LTBP1: variants seen among roughly 807,000 people sequenced by gnomAD.
LTBP1 encodes the protein latent-transforming growth factor beta-binding protein 1.
Under a neutral mutation model 207.6 loss-of-function variants are expected in LTBP1, and 129 were observed. That is an observed-to-expected ratio of 0.62 (90% CI 0.54 to 0.72). The LOEUF is 0.72. Ranked by LOEUF, LTBP1 falls within the 30% of genes least tolerant of loss-of-function variation. The pLI is 0.00. For missense variants in LTBP1, 2,281 were observed against 2,217.2 expected (o/e 1.03, Z -0.58); for synonymous variants, 963 against 833.7 (o/e 1.16, Z -2.67).
intron 3 of LTBP1, among the ~76,000 whole-genome samples, chr2:33,109,498 A>G (rs1476900621): frequency 6.6e-6 from 1 of 152,252 alleles, no homozygotes; most frequent in African/African-American, 2.4e-5. Context: ...CTCAGGGAAT[A>G]ACTGAATCTG....
chr2:33,128,135 A>G (rs903527827), intron 4 of LTBP1, among the ~76,000 whole-genome samples: 2 of 152,194 alleles, frequency 1.3e-5, no homozygotes, highest in African/African-American at 2.4e-5. Flanking sequence ...TTGGTAAACA[A>G]ATAGCCCAGT....
intron 31 of LTBP1, 123 bp downstream of exon 31, chr2:33,365,626 C>CGTGT (rs144867482): frequency 0.11 from 76,643 of 708,006 alleles, 2,872 homozygotes; most frequent in African/African-American, 0.26. Context: ...ACTTTCATCC[C>CGTGT]GTGTGTGTGT....
Position 33,106,434 on chromosome 2 carries a change from A to G in LTBP1, c.864-4148A>G, listed in dbSNP as rs563915767. On this transcript the variant is annotated intron_variant, in intron 3 of 33. Transcript: ENST00000404816. ...TCTATGGCAGCTGGAGCCTTAAGCAATGCATTTCTTAGATAGGAAGACTTG... is the reference window on the plus strand; with the variant it reads ...TCTATGGCAGCTGGAGCCTTAAGCAGTGCATTTCTTAGATAGGAAGACTTG... Among the ~76,000 whole-genome samples, 66 of 152,324 alleles carry G rather than the reference A, an allele frequency of 4.3e-4. 1 individual carries two copies. Among genetic ancestry groups the G allele is most frequent in the African/African-American group, 1.4e-3 (60 of 41,584 alleles).
chr2:33,348,784 A>T (rs1300072343), intron 26 of LTBP1, among the ~76,000 whole-genome samples: 2 of 152,254 alleles, frequency 1.3e-5, no homozygotes, highest in Non-Finnish European at 2.9e-5. Context: ...AGGATATTCC[A>T]ATGATCACAC....
intron 22 of LTBP1, among the ~76,000 whole-genome samples, chr2:33,308,364 TTTTAAAA>T (rs1468277432): frequency 6.6e-6 from 1 of 152,208 alleles, no homozygotes; most frequent in African/African-American, 2.4e-5. Context: ...TTTAAACATT[TTTTAAAA>T]TCCAGGCTAC....
chr2:33,092,254 C>G (rs1402913722), intron 3 of LTBP1, among the ~76,000 whole-genome samples: 1 of 152,246 alleles, frequency 6.6e-6, no homozygotes, highest in Non-Finnish European at 1.5e-5. Context: ...AGACCCTGCT[C>G]ACTCAGATCC....
intron 7 of LTBP1, among the ~76,000 whole-genome samples, chr2:33,209,797 G>A (rs1292908143): frequency 2.6e-5 from 4 of 152,152 alleles, no homozygotes; most frequent in African/African-American, 9.7e-5. Context: ...AGGAGCCTGG[G>A]GGAAGAGATC....
At chr2:32,948,643 C>T (rs994181609) in intron 1 of LTBP1, among the ~76,000 whole-genome samples, 2 of 152,098 alleles carry the variant, frequency 1.3e-5, no homozygotes, top group Non-Finnish European at 2.9e-5. Flanking sequence ...CCTGTATAGC[C>T]CTAGGTTTAT....
chr2:32,971,846 AT>A (rs1433444940), intron 2 of LTBP1, among the ~76,000 whole-genome samples: 1 of 152,076 alleles, frequency 6.6e-6, no homozygotes, highest in Non-Finnish European at 1.5e-5. Context: ...TTCCTTCTCA[AT>A]TTTTTGGAAT....
At chr2:33,106,184 T>A (rs2080055192) in intron 3 of LTBP1, among the ~76,000 whole-genome samples, 1 of 152,206 alleles carries the variant, frequency 6.6e-6, no homozygotes, top group African/African-American at 2.4e-5. Flanking sequence ...TTTCATTCTC[T>A]TGCTGCTATT....
At position 33,377,061 on chromosome 2, in the gene LTBP1, A is replaced by G. The variant is rs546742149; in HGVS notation, c.4711+11558A>G. Among the ~76,000 whole-genome samples the G allele has an allele frequency of 2.7e-3, 413 of 152,354 alleles. 1 individual carries two copies. The highest frequency in any genetic ancestry group is 9.5e-3 in the African/African-American group (396 of 41,574). ...CTATTGTAGTCATTGAAAGCAGAAG[A>G]AAAGCAAACATGGTTTGCCGCAAGG... On this transcript the variant is annotated intron_variant, in intron 31 of 33. Transcript: ENST00000404816.
At chr2:33,110,288 T>C (rs1001092103) in intron 3 of LTBP1, among the ~76,000 whole-genome samples, 2 of 152,226 alleles carry the variant, frequency 1.3e-5, no homozygotes, top group Non-Finnish European at 2.9e-5. Context: ...TGAAGGCTTA[T>C]GGCAGTTGTG....
intron 7 of LTBP1, among the ~76,000 whole-genome samples, chr2:33,207,133 C>T (rs1486537025): frequency 2.0e-5 from 3 of 152,136 alleles, no homozygotes; most frequent in South Asian, 2.1e-4. Context: ...AAATAGGCAG[C>T]ACAGATTCTA....
chr2:33,125,102 T>G (rs2081353191), intron 4 of LTBP1, among the ~76,000 whole-genome samples: 1 of 152,250 alleles, frequency 6.6e-6, no homozygotes, highest in African/African-American at 2.4e-5. Context: ...TCCCTCATCC[T>G]AATTTCCCAA....
intron 4 of LTBP1, among the ~76,000 whole-genome samples, chr2:33,111,867 A>G (rs376263248): frequency 1.6e-4 from 25 of 152,162 alleles, no homozygotes; most frequent in African/African-American, 6.0e-4. Context: ...AACCATTTAG[A>G]TCATTAGGAA....
chr2:33,011,979 C>A (rs754237688), intron 2 of LTBP1, among the ~76,000 whole-genome samples: 1 of 152,002 alleles, frequency 6.6e-6, no homozygotes, highest in Non-Finnish European at 1.5e-5. Flanking sequence ...TCAGGGAGGT[C>A]TTTCCTAACT....
chr2:33,235,716 TGCA>T lies in LTBP1; in HGVS notation c.1877-7943_1877-7941del, dbSNP rs2092011535. ...GGCACATATACACCATGGAATACTA[TGCA>T]GCCATAAAAAAGGATGAGTTCATGT... On this transcript the variant is annotated intron_variant, in intron 9 of 33. Coordinates refer to ENST00000404816, the MANE Select transcript of LTBP1 (RefSeq NM_206943.4). Among the ~76,000 whole-genome samples the T allele has an allele frequency of 5.3e-5, 8 of 152,316 alleles. No homozygotes were observed. The South Asian group carries it at 1.7e-3, about 32-fold the overall frequency.
At chr2:33,373,011 C>G (rs545158505) in intron 31 of LTBP1, among the ~76,000 whole-genome samples, 1 of 152,216 alleles carries the variant, frequency 6.6e-6, no homozygotes, top group East Asian at 1.9e-4. Flanking sequence ...CTTAAGTACC[C>G]AGGGATCCCA....
intron 2 of LTBP1, among the ~76,000 whole-genome samples, chr2:33,009,243 AT>A (rs1377558248): frequency 6.6e-6 from 1 of 152,148 alleles, no homozygotes; most frequent in Non-Finnish European, 1.5e-5. Flanking sequence ...AGCTAACAGG[AT>A]TTGGAGCTGG....
Sources: gnomAD v4.1 joint callset for allele counts (sites outside exome capture counted in the v4.1 genomes callset) on GRCh38, gnomAD v4.1.1 for gene constraint, MANE v1.5 for transcripts, NCBI Gene and HGNC (gene_info 2026-07-23, HGNC 2026-07-21) for gene names.